AFF3: variants seen among roughly 807,000 people sequenced by gnomAD.
AFF3 encodes the protein AF4/FMR2 family member 3.
A neutral mutation model predicts 129.7 loss-of-function variants in AFF3; 32 were observed. The ratio of observed to expected loss-of-function variants is 0.25; its 90% CI spans 0.19 to 0.33. AFF3 has a LOEUF of 0.33. Among genes scored for constraint, AFF3 ranks in the 10% least tolerant of loss-of-function variants. The pLI, the probability that AFF3 is intolerant of heterozygous loss-of-function variation, is 1.00. For synonymous variants in AFF3, 644 were observed against 635.4 expected, an observed-to-expected ratio of 1.01 and a Z score of -0.20; for missense variants, 1,373 against 1,592.0, an observed-to-expected ratio of 0.86 and a Z score of 2.34.
chr2:99,907,539 ATTCTT>A (rs373969770), intron 7 of AFF3, among the ~76,000 whole-genome samples: 1,813 of 149,362 alleles, frequency 0.012, 38 homozygotes, highest in African/African-American at 0.042. Context: ...AGCTTTTACT[ATTCTT>A]TTTTTTTTTT....
chr2:100,110,717 C>G (rs1248959191), intron 2 of AFF3, among the ~76,000 whole-genome samples: 1 of 152,212 alleles, frequency 6.6e-6, no homozygotes, highest in Non-Finnish European at 1.5e-5. Context: ...CAGAGTTCAC[C>G]TCTTCAGGAG....
intron 13 of AFF3, among the ~76,000 whole-genome samples, chr2:99,627,678 G>A (rs1256822258): frequency 6.6e-6 from 1 of 152,044 alleles, no homozygotes; most frequent in Non-Finnish European, 1.5e-5. Context: ...TGCCTACGTT[G>A]TCTTCCAGGG....
intron 18 of AFF3, among the ~76,000 whole-genome samples, chr2:99,569,713 T>G (rs1450638238): frequency 3.9e-5 from 6 of 152,172 alleles, no homozygotes; most frequent in Non-Finnish European, 7.4e-5. Flanking sequence ...TTTAGCCCGA[T>G]AGATTAAAAA....
chr2:99,621,180 G>A (rs150995532), intron 13 of AFF3, among the ~76,000 whole-genome samples: 282 of 152,238 alleles, frequency 1.9e-3, no homozygotes, highest in African/African-American at 6.3e-3. Context: ...GAGCAATGGC[G>A]AGGCCAAGAA....
At chr2:99,948,273 G>A (rs2106374135) in intron 7 of AFF3, among the ~76,000 whole-genome samples, 1 of 152,174 alleles carries the variant, frequency 6.6e-6, no homozygotes, top group East Asian at 1.9e-4. Context: ...TGGCCTGACT[G>A]CTCCCCATCT....
At position 99,952,442 on chromosome 2, in the gene AFF3, G is replaced by A. The variant is rs573699762; in HGVS notation, c.873+54190C>T. On this transcript the variant is annotated intron_variant, in intron 7 of 24. Transcript: ENST00000672756. ...CTCAGGCATTTCTTTACAGCAATGCGAAAATGGACTAATCCACTTTTCAAG... is the reference window on the plus strand; with the variant it reads ...CTCAGGCATTTCTTTACAGCAATGCAAAAATGGACTAATCCACTTTTCAAG... Among the ~76,000 whole-genome samples, 289 of 152,034 alleles carry A rather than the reference G, an allele frequency of 1.9e-3. 1 individual carries two copies. The highest frequency in any genetic ancestry group is 3.3e-3 in the South Asian group (16 of 4,814).
chr2:100,072,510 T>C (rs555791203), intron 4 of AFF3, among the ~76,000 whole-genome samples: 2 of 152,274 alleles, frequency 1.3e-5, no homozygotes, highest in South Asian at 4.1e-4. Flanking sequence ...GCTGGACCCA[T>C]GGAGAGCTGA....
At chr2:99,969,081 A>C (rs527623791) in intron 7 of AFF3, among the ~76,000 whole-genome samples, 11 of 152,290 alleles carry the variant, frequency 7.2e-5, no homozygotes, top group Admixed American at 5.9e-4. Context: ...ATCCAAGAAG[A>C]AGCAATGGAG....
chr2:99,963,831 T>C (rs1341541129), intron 7 of AFF3, among the ~76,000 whole-genome samples: 1 of 152,016 alleles, frequency 6.6e-6, no homozygotes, highest in Non-Finnish European at 1.5e-5. Context: ...ACAGAGATTG[T>C]CAGAGTGGAT....
intron 7 of AFF3, among the ~76,000 whole-genome samples, chr2:99,848,142 T>G (rs1475406600): frequency 2.0e-5 from 3 of 151,768 alleles, no homozygotes; most frequent in African/African-American, 7.3e-5. Context: ...CCCAGCTACT[T>G]GGGAGGCTGA....
At chr2:99,574,456 T>G (rs1201185478) in intron 18 of AFF3, among the ~76,000 whole-genome samples, 1 of 152,210 alleles carries the variant, frequency 6.6e-6, no homozygotes, top group Non-Finnish European at 1.5e-5. Context: ...GCCCGGCTGA[T>G]TTTTTGGTAA....
chr2:99,843,002 C>T (rs1370595445), intron 7 of AFF3, among the ~76,000 whole-genome samples: 1 of 152,190 alleles, frequency 6.6e-6, no homozygotes, highest in Non-Finnish European at 1.5e-5. Context: ...TCTTCAAGCA[C>T]TCAAAAGACC....
At chr2:99,976,480 C>T (rs1324814375) in intron 7 of AFF3, among the ~76,000 whole-genome samples, 1 of 152,200 alleles carries the variant, frequency 6.6e-6, no homozygotes, top group African/African-American at 2.4e-5. Context: ...GGATCTATAA[C>T]TCTTCCAAAA....
chr2:99,827,758 C>T (rs1224988235), intron 8 of AFF3, among the ~76,000 whole-genome samples: 1 of 151,868 alleles, frequency 6.6e-6, no homozygotes, highest in Non-Finnish European at 1.5e-5. Context: ...GAGATGCCAG[C>T]AGAGAGGCAG....
intron 10 of AFF3, among the ~76,000 whole-genome samples, chr2:99,739,216 G>T (rs898356363): frequency 1.3e-5 from 2 of 151,828 alleles, no homozygotes; most frequent in Non-Finnish European, 2.9e-5. Flanking sequence ...TCTTTCCTGG[G>T]GCTCCTGGGG....
intron 4 of AFF3, among the ~76,000 whole-genome samples, chr2:100,014,007 C>T (rs1169563541): frequency 6.6e-6 from 1 of 152,074 alleles, no homozygotes; most frequent in Admixed American, 6.5e-5. Context: ...GGACAGCCTG[C>T]CCTCTGGCTG....
chr2:100,012,644 G>A (rs1682653183), intron 4 of AFF3, among the ~76,000 whole-genome samples: 1 of 152,156 alleles, frequency 6.6e-6, no homozygotes, highest in Non-Finnish European at 1.5e-5. Context: ...TTCATCTCTT[G>A]CCATGAAAGC....
chr2:100,092,932 T>C (rs976510145), intron 4 of AFF3, among the ~76,000 whole-genome samples: 20 of 151,404 alleles, frequency 1.3e-4, no homozygotes, highest in African/African-American at 4.9e-4. Flanking sequence ...TATAAACATA[T>C]CAAGGGCTAG....
chr2:99,607,780 T>G (rs1423572842), intron 13 of AFF3, among the ~76,000 whole-genome samples: 1 of 152,202 alleles, frequency 6.6e-6, no homozygotes, highest in Non-Finnish European at 1.5e-5. Context: ...CAATGTTTGC[T>G]CCTCCTCTTC....
Sources: gnomAD v4.1 joint callset for allele counts (sites outside exome capture counted in the v4.1 genomes callset) on GRCh38, gnomAD v4.1.1 for gene constraint, MANE v1.5 for transcripts, NCBI Gene and HGNC (gene_info 2026-07-23, HGNC 2026-07-21) for gene names.